Variants in SPTLC2 observed in about 807,000 individuals in gnomAD.
The protein encoded by SPTLC2 is serine palmitoyltransferase long chain base subunit 2.
Under a neutral mutation model 62.0 loss-of-function variants are expected in SPTLC2, and 21 were observed. The ratio of observed to expected loss-of-function variants is 0.34; its 90% CI spans 0.24 to 0.49. The LOEUF is 0.49. SPTLC2 is among the 20% of genes least tolerant of loss of function. SPTLC2 has a pLI of 0.99. For missense variants in SPTLC2, 511 were observed against 713.0 expected, an observed-to-expected ratio of 0.72 and a Z score of 3.23; for synonymous variants, 261 against 261.8, an observed-to-expected ratio of 1.00 and a Z score of 0.03.
intron 1 of SPTLC2, among the ~76,000 whole-genome samples, chr14:77,601,561 T>A (rs1244200813): frequency 6.6e-6 from 1 of 152,162 alleles, no homozygotes; most frequent in Admixed American, 6.5e-5. Context: ...TCTCTTCACA[T>A]GCACACGTGA....
chr14:77,592,749 T>A (rs1263158397), intron 2 of SPTLC2, among the ~76,000 whole-genome samples: 3 of 152,126 alleles, frequency 2.0e-5, no homozygotes, highest in African/African-American at 7.2e-5. Context: ...CTCTCCCTCT[T>A]CCTACCCACC....
At chr14:77,532,431 C>T (rs189278274) in intron 9 of SPTLC2, among the ~76,000 whole-genome samples, 1 of 152,040 alleles carries the variant, frequency 6.6e-6, no homozygotes, top group East Asian at 1.9e-4. Flanking sequence ...TTCTGCATAC[C>T]CTGCCAAGAT....
Position 77,512,349 on chromosome 14 carries a change from G to A in SPTLC2, c.1624C>T (p.His542Tyr), listed in dbSNP as rs34830263. Residue 542 changes from histidine to tyrosine, a missense_variant, in exon 12 of 12, where the codon CAT (histidine) becomes TAT (tyrosine). By Grantham distance (83) the His-to-Tyr change is moderately conservative (BLOSUM62 2). Coordinates refer to ENST00000216484, the MANE Select transcript of SPTLC2 (RefSeq NM_004863.4). Reference protein sequence around the residue: ...GDLLQLKYSRHRLVPLLDRPF... With the variant: ...GDLLQLKYSRYRLVPLLDRPF... ...CTGTCCAGTAGAGGTACCAACCGAT[G>A]ACGGGAATACTTCAGCTGCAATAGG... The A allele has an allele frequency of 1.9e-6, 3 of 1,614,222 alleles. No homozygotes were observed. Among genetic ancestry groups the A allele is most frequent in the South Asian group, 1.1e-5 (1 of 91,080 alleles).
rs946392867 is a variant in SPTLC2 at position 77,511,530 on chromosome 14, C to G, written c.*754G>C. ...ATGGGTGCTCTGAAAACAGTAAGTG[C>G]TTTAAAAAGGGGGTGGGACGTGTTA... On this transcript the variant is annotated 3_prime_UTR_variant, in exon 12 of 12. Coordinates refer to ENST00000216484, the MANE Select transcript of SPTLC2 (RefSeq NM_004863.4). The G allele has an allele frequency of 6.5e-6, 1 of 153,000 alleles. No individual in the cohort carries two copies. The highest frequency in any genetic ancestry group is 2.1e-4 in the South Asian group (1 of 4,848). 9.5% of individuals were successfully genotyped at this position (153,000 alleles called of 1,614,324 possible). A position where few individuals can be genotyped will look rare whatever the true frequency, so the allele number is the denominator to read the frequency against.
In SPTLC2 at chr14:77,557,129, T is replaced by G. The variant is rs1341667794; in HGVS notation, c.868A>C (p.Lys290Gln). 3 of 1,613,552 alleles carry G rather than the reference T, an allele frequency of 1.9e-6. No individual in the cohort carries two copies. ...FKHNNMQSLEKLLKDAIVYGQ... is the reference protein window; with the variant it reads ...FKHNNMQSLEQLLKDAIVYGQ... The stretch of plus-strand genomic sequence containing the variant: ...TAAACAATGGCATCTTTCAATAGCT[T>G]CTCTAGGCTTTGCATATCTACAGAG... The change falls in exon 7 of 12, where the codon AAG becomes CAG. Residue 290 changes from lysine (K) to glutamine (Q), a missense_variant. Lys to Gln is a moderately conservative substitution (Grantham distance 53). Coordinates refer to ENST00000216484, the MANE Select transcript of SPTLC2 (RefSeq NM_004863.4).
intron 9 of SPTLC2, among the ~76,000 whole-genome samples, chr14:77,544,104 T>C (rs1038052254): frequency 1.3e-5 from 2 of 151,996 alleles, no homozygotes; most frequent in African/African-American, 4.8e-5. Flanking sequence ...CATAGCTGGG[T>C]TTGTGCAATC....
chr14:77,517,227 G>C lies in SPTLC2; in HGVS notation c.1569+811C>G, dbSNP rs996102466. On this transcript the variant is annotated intron_variant, in intron 11 of 11. Transcript: ENST00000216484. ...CATTGCACTCCAGCCTGGGCAACAA[G>C]GGCAAAACTCTCTCTCAAAAAAGAA... Among the ~76,000 whole-genome samples the C allele has an allele frequency of 6.6e-5, 10 of 151,918 alleles. No individual in the cohort carries two copies. The South Asian group carries it at 1.9e-3, about 28-fold the overall frequency.
chr14:77,584,692 C>T (rs1342112624), intron 2 of SPTLC2, among the ~76,000 whole-genome samples: 3 of 152,140 alleles, frequency 2.0e-5, no homozygotes, highest in African/African-American at 7.2e-5. Context: ...ACTTTGATAG[C>T]GTTCAAAGCA....
In SPTLC2 at chr14:77,550,797, G is replaced by C. The variant is rs557770621; in HGVS notation, c.1303+1299C>G. On this transcript the variant is annotated intron_variant, in intron 9 of 11. Transcript: ENST00000216484. ...CAGACTCCTGTGGTCCCAGCTACTTGGGAGGCTGAAACAGGAGAATCATGT... is the reference window on the plus strand; with the variant it reads ...CAGACTCCTGTGGTCCCAGCTACTTCGGAGGCTGAAACAGGAGAATCATGT... 9.2e-5 allele frequency among the ~76,000 whole-genome samples: 14 copies of C among 151,960 alleles called. No individual in the cohort carries two copies. The South Asian group carries it at 2.9e-3, about 32-fold the overall frequency.
chr14:77,548,179 G>A (rs2079539341), intron 9 of SPTLC2, among the ~76,000 whole-genome samples: 1 of 151,980 alleles, frequency 6.6e-6, no homozygotes, highest in African/African-American at 2.4e-5. Context: ...AGTTAATTTG[G>A]TTCCATAATT....
rs548001234 is a variant in SPTLC2 at position 77,571,959 on chromosome 14, T to C, written c.632-1451A>G. On this transcript the variant is annotated intron_variant, in intron 4 of 11. Coordinates refer to ENST00000216484, the MANE Select transcript of SPTLC2 (RefSeq NM_004863.4). ...GTGCGGACCACCACGCCTGACTATT[T>C]TGTATTTTTAGTAGAGACAGGTTTC... Among the ~76,000 whole-genome samples, 271 of 83,748 alleles carry C rather than the reference T, an allele frequency of 3.2e-3. 2 individuals carry two copies. Among genetic ancestry groups the C allele is most frequent in the African/African-American group, 0.012 (255 of 20,696 alleles). The allele number at this position is 83,748 out of a possible 152,430, so 54.9% of individuals were successfully genotyped here.
intron 5 of SPTLC2, among the ~76,000 whole-genome samples, chr14:77,569,238 C>T (rs1312057593): frequency 1.3e-5 from 2 of 152,140 alleles, no homozygotes; most frequent in East Asian, 1.9e-4. Flanking sequence ...TTCCTTTTAA[C>T]CTCTGTGTCT....
At chr14:77,611,101 G>C (rs2079934065) in intron 1 of SPTLC2, among the ~76,000 whole-genome samples, 1 of 143,810 alleles carries the variant, frequency 7.0e-6, no homozygotes, top group Non-Finnish European at 1.5e-5. Context: ...AGACCATCCT[G>C]GCTAACATGG....
At chr14:77,552,306 G>A (rs2079559875) in intron 8 of SPTLC2, 84 bp from the exon 9 acceptor site, 1 of 1,520,448 alleles carries the variant, frequency 6.6e-7, no homozygotes, top group Non-Finnish European at 9.0e-7. Context: ...AGTTCTAGAG[G>A]ACTCCTCACT....
At chr14:77,598,767 CAAAAACA>C (rs1459094409) in intron 1 of SPTLC2, among the ~76,000 whole-genome samples, 1 of 151,884 alleles carries the variant, frequency 6.6e-6, no homozygotes, top group Non-Finnish European at 1.5e-5. Flanking sequence ...CTTGCCTCTA[CAAAAACA>C]AAAAACAAAA....
chr14:77,587,472 T>G (rs999861435), intron 2 of SPTLC2, among the ~76,000 whole-genome samples: 2 of 152,012 alleles, frequency 1.3e-5, no homozygotes, highest in Non-Finnish European at 2.9e-5. Flanking sequence ...CCATTATTAT[T>G]AAAATGAAGG....
chr14:77,561,611 C>CA lies in SPTLC2; in HGVS notation c.850+784dup, dbSNP rs1187006995. On this transcript the variant is annotated intron_variant, in intron 6 of 11. Transcript: ENST00000216484. ...GGGTGACAGAGCGAGACTCTAGCCTCAAAAAAAAAAAAAAGAAAATAACAG... is the reference window on the plus strand; with the variant it reads ...GGGTGACAGAGCGAGACTCTAGCCTCAAAAAAAAAAAAAAAGAAAATAACAG... Among the ~76,000 whole-genome samples, 245 of 96,374 alleles carry CA rather than the reference C, an allele frequency of 2.5e-3. 1 individual carries two copies. The highest frequency in any genetic ancestry group is 7.2e-3 in the Middle Eastern group (1 of 138). 63.2% of individuals were successfully genotyped at this position (96,374 alleles called of 152,430 possible). A position where few individuals can be genotyped will look rare whatever the true frequency, so the allele number is the denominator to read the frequency against.
In SPTLC2 at chr14:77,531,443, T is replaced by TCTC. The variant is rs1354897312; in HGVS notation, c.1304-9865_1304-9863dup. Among the ~76,000 whole-genome samples the TCTC allele has an allele frequency of 4.6e-5, 6 of 130,278 alleles. 1 individual carries two copies. The highest frequency in any genetic ancestry group is 9.9e-5 in the Non-Finnish European group (6 of 60,638). The allele number at this position is 130,278 out of a possible 152,430, so 85.5% of individuals were successfully genotyped here. ...ACTTTCTTCTTCTTCTTCTTCTTCTTCTCCTCCTTCTCCTCCTCCTCCTCC... is the reference window on the plus strand; with the variant it reads ...ACTTTCTTCTTCTTCTTCTTCTTCTTCTCCTCCTCCTTCTCCTCCTCCTCCTCC... On this transcript the variant is annotated intron_variant, in intron 9 of 11. Coordinates refer to ENST00000216484, the MANE Select transcript of SPTLC2 (RefSeq NM_004863.4).
intron 4 of SPTLC2, among the ~76,000 whole-genome samples, chr14:77,575,406 G>A (rs543548494): frequency 6.6e-6 from 1 of 152,258 alleles, no homozygotes; most frequent in East Asian, 1.9e-4. Context: ...AGGTGGAGGA[G>A]GGCAATCCCC....
Sources: gnomAD v4.1 joint callset for allele counts (sites outside exome capture counted in the v4.1 genomes callset) on GRCh38, gnomAD v4.1.1 for gene constraint, MANE v1.5 for transcripts, NCBI Gene and HGNC (gene_info 2026-07-23, HGNC 2026-07-21) for gene names.